Variants in BABAM2 observed in about 807,000 individuals in gnomAD.
BABAM2 encodes BRISC and BRCA1-A complex member 2.
A neutral mutation model predicts 54.7 loss-of-function variants in BABAM2; 31 were observed. The ratio of observed to expected loss-of-function variants is 0.57; its 90% CI spans 0.43 to 0.77. The LOEUF is 0.77. BABAM2 is among the 30% of genes least tolerant of loss of function. The pLI, the probability that BABAM2 is intolerant of heterozygous loss-of-function variation, is 0.00. For missense variants in BABAM2, 364 were observed against 455.8 expected (o/e 0.80, Z 1.83); for synonymous variants, 167 against 162.9 (o/e 1.03, Z -0.19).
rs566764047 is a variant in BABAM2 at position 27,997,634 on chromosome 2, C to T, written c.300+9547C>T. Reference sequence around the variant, plus strand: ...TGTTATAAACAAGGCTTTAAAAGTGCAGTTGTAGAAAAACAGAGCACCTTG... The same window carrying T: ...TGTTATAAACAAGGCTTTAAAAGTGTAGTTGTAGAAAAACAGAGCACCTTG... On this transcript the variant is annotated intron_variant, in intron 4 of 11. Coordinates refer to ENST00000379624, the MANE Select transcript of BABAM2 (RefSeq NM_199191.3). 2.3e-4 allele frequency among the ~76,000 whole-genome samples: 35 copies of T among 152,150 alleles called. No homozygotes were observed. In the South Asian group the frequency reaches 7.3e-3, roughly 32 times the overall value.
intron 6 of BABAM2, among the ~76,000 whole-genome samples, chr2:28,119,434 AC>A (rs1036145542): frequency 6.6e-6 from 1 of 151,996 alleles, no homozygotes; most frequent in Non-Finnish European, 1.5e-5. Flanking sequence ...CATTTCACAC[AC>A]CTTTTAGATT....
At chr2:28,253,175 G>A (rs1004786647) in intron 10 of BABAM2, among the ~76,000 whole-genome samples, 25 of 152,104 alleles carry the variant, frequency 1.6e-4, no homozygotes, top group African/African-American at 5.3e-4. Flanking sequence ...TGGCCAAAGC[G>A]GATGGATCAC....
At chr2:28,157,025 C>T (rs1191166544) in intron 7 of BABAM2, among the ~76,000 whole-genome samples, 1 of 152,092 alleles carries the variant, frequency 6.6e-6, no homozygotes, top group East Asian at 1.9e-4. Flanking sequence ...TTTTAGACTT[C>T]TGTGAGAATG....
chr2:27,936,209 C>T (rs2148367120), intron 3 of BABAM2, among the ~76,000 whole-genome samples: 2 of 152,262 alleles, frequency 1.3e-5, no homozygotes, highest in East Asian at 3.9e-4. Context: ...AGTGAGCCAC[C>T]ATGTCCGGCC....
At chr2:27,984,201 AT>A (rs1441991858) in intron 3 of BABAM2, among the ~76,000 whole-genome samples, 1 of 151,912 alleles carries the variant, frequency 6.6e-6, no homozygotes, top group Non-Finnish European at 1.5e-5. Flanking sequence ...TAGATCCTAG[AT>A]TGGCATTTTT....
intron 5 of BABAM2, among the ~76,000 whole-genome samples, chr2:28,045,052 C>T (rs534823180): frequency 5.6e-4 from 85 of 151,790 alleles, no homozygotes; most frequent in African/African-American, 2.0e-3. Context: ...GAGAGGCAGA[C>T]GTTTTTCTTT....
intron 2 of BABAM2, among the ~76,000 whole-genome samples, chr2:27,907,598 A>G (rs189426068): frequency 1.1e-4 from 16 of 152,264 alleles, no homozygotes; most frequent in African/African-American, 3.6e-4. Context: ...GTACATCACA[A>G]ATGTGGCATT....
In BABAM2 at chr2:28,032,980, C is replaced by T. The variant is rs542378321; in HGVS notation, c.495+7560C>T. Among the ~76,000 whole-genome samples the T allele has an allele frequency of 3.9e-5, 6 of 152,236 alleles. No individual in the cohort carries two copies. In the East Asian group the frequency reaches 1.2e-3, roughly 29 times the overall value. ...AATGTATGTGTATAGTTCTGTGCCA[C>T]TTCATCACACACGTAATTTCCTGTA... is the stretch of plus-strand genomic sequence containing the variant. On this transcript the variant is annotated intron_variant, in intron 5 of 11. Transcript: ENST00000379624.
chr2:28,259,622 G>A (rs1002520518), intron 10 of BABAM2, among the ~76,000 whole-genome samples: 1 of 152,088 alleles, frequency 6.6e-6, no homozygotes, highest in Non-Finnish European at 1.5e-5. Flanking sequence ...TAAATTTTAT[G>A]AGCCATGCTT....
At chr2:28,136,753 G>A (rs552574088) in intron 7 of BABAM2, among the ~76,000 whole-genome samples, 56 of 152,202 alleles carry the variant, frequency 3.7e-4, no homozygotes, top group African/African-American at 1.3e-3. Flanking sequence ...ACCCCACAGC[G>A]TGCCTGGCAG....
Position 28,164,314 on chromosome 2 carries a change from C to A in BABAM2, c.680+34934C>A, listed in dbSNP as rs929068869. On this transcript the variant is annotated intron_variant, in intron 7 of 11. Coordinates refer to ENST00000379624, the MANE Select transcript of BABAM2 (RefSeq NM_199191.3). Reference sequence around the variant, plus strand: ...CAACCGAATGAGAGTTGCCCCTACACCCCCACGTGGAGTTAGAGGAGTGCG... The same window carrying A: ...CAACCGAATGAGAGTTGCCCCTACAACCCCACGTGGAGTTAGAGGAGTGCG... Among the ~76,000 whole-genome samples the A allele has an allele frequency of 9.2e-5, 14 of 152,110 alleles. No individual in the cohort carries two copies. In the East Asian group the frequency reaches 2.7e-3, roughly 29 times the overall value.
At chr2:28,116,871 CA>C (rs1668659203) in intron 6 of BABAM2, among the ~76,000 whole-genome samples, 1 of 152,176 alleles carries the variant, frequency 6.6e-6, no homozygotes, top group Non-Finnish European at 1.5e-5. Flanking sequence ...AAAATGAAAG[CA>C]TGTGATCTCT....
chr2:28,263,971 C>T (rs1684760160), intron 10 of BABAM2, among the ~76,000 whole-genome samples: 1 of 152,166 alleles, frequency 6.6e-6, no homozygotes, highest in Non-Finnish European at 1.5e-5. Flanking sequence ...AGATAATTGC[C>T]AAAAGGAATC....
chr2:27,910,608 A>G (rs1301120822), intron 2 of BABAM2, among the ~76,000 whole-genome samples: 2 of 152,164 alleles, frequency 1.3e-5, no homozygotes, highest in Non-Finnish European at 2.9e-5. Flanking sequence ...GATAACTGCT[A>G]TCCTGACTTC....
intron 6 of BABAM2, among the ~76,000 whole-genome samples, chr2:28,046,383 C>T (rs1677576750): frequency 6.6e-6 from 1 of 152,152 alleles, no homozygotes; most frequent in South Asian, 2.1e-4. Context: ...TCGCTTGAAC[C>T]TGGGTGGCAG....
At chr2:27,961,299 T>C (rs1427727392) in intron 3 of BABAM2, among the ~76,000 whole-genome samples, 1 of 152,212 alleles carries the variant, frequency 6.6e-6, no homozygotes, top group East Asian at 1.9e-4. Context: ...TTAGGATTTT[T>C]TCCCTTTGCG....
intron 7 of BABAM2, among the ~76,000 whole-genome samples, chr2:28,136,095 G>A (rs2048048): frequency 0.37 from 56,031 of 151,996 alleles, 11,080 homozygotes; most frequent in South Asian, 0.63. Flanking sequence ...GTCCAGCCAA[G>A]CAGAATTTTG....
chr2:28,307,960 G>T (rs1688708039), intron 11 of BABAM2: 1 of 153,994 alleles, frequency 6.5e-6, no homozygotes, highest in African/African-American at 2.4e-5. Flanking sequence ...TCTGCCCTGT[G>T]GACTTCATTC....
intron 7 of BABAM2, among the ~76,000 whole-genome samples, chr2:28,220,852 G>A (rs1271005768): frequency 2.6e-5 from 4 of 152,164 alleles, no homozygotes; most frequent in Non-Finnish European, 5.9e-5. Flanking sequence ...AGCCCCAGAG[G>A]TCAAGGCTGC....
Sources: allele counts gnomAD v4.1 joint callset (sites outside exome capture counted in the v4.1 genomes callset), GRCh38; gene constraint gnomAD v4.1.1; transcripts MANE v1.5; gene names NCBI Gene and HGNC (gene_info 2026-07-23, HGNC 2026-07-21).